AGTPBP1: variants seen among roughly 807,000 people sequenced by gnomAD.
AGTPBP1 encodes cytosolic carboxypeptidase 1.
Under a neutral mutation model 143.9 loss-of-function variants are expected in AGTPBP1, and 70 were observed. That is an observed-to-expected ratio of 0.49 (90% CI 0.40 to 0.59). The LOEUF (loss-of-function observed/expected upper bound fraction) is 0.59, where lower values mean the gene tolerates loss of function less well. Ranked by LOEUF, AGTPBP1 falls within the 20% of genes least tolerant of loss-of-function variation. The pLI is 0.00. For missense variants in AGTPBP1, 1,229 were observed against 1,464.5 expected (o/e 0.84, Z 2.62); for synonymous variants, 463 against 500.2 (o/e 0.93, Z 0.99).
At chr9:85,758,946 AC>A in the AGTPBP1 span, among the ~76,000 whole-genome samples, 3 of 152,318 alleles carry the variant, frequency 2.0e-5, no homozygotes, top group Admixed American at 6.5e-5. Flanking sequence ...CAAATGGAAA[AC>A]AAAAAAAGGC....
At chr9:85,755,948 T>C in the AGTPBP1 span, 1 of 751,432 alleles carries the variant, frequency 1.3e-6, no homozygotes, top group Non-Finnish European at 2.0e-6. Flanking sequence ...GCTACCTGAG[T>C]TACTCTAAGT....
intron 18 of AGTPBP1, among the ~76,000 whole-genome samples, chr9:85,595,288 T>A (rs1829222248): frequency 6.6e-6 from 1 of 152,216 alleles, no homozygotes; most frequent in Non-Finnish European, 1.5e-5. Flanking sequence ...TTAGTGCCAG[T>A]AAAGCACAAT....
chr9:85,598,778 G>T (rs1172372450), intron 17 of AGTPBP1, among the ~76,000 whole-genome samples: 1 of 152,164 alleles, frequency 6.6e-6, no homozygotes, highest in African/African-American at 2.4e-5. Context: ...GAAGTGCAAT[G>T]GTGCGATCTC....
intron 25 of AGTPBP1, among the ~76,000 whole-genome samples, chr9:85,572,689 T>TA (rs1391467321): frequency 3.3e-4 from 50 of 152,326 alleles, no homozygotes; most frequent in African/African-American, 1.1e-3. Context: ...AAAGCACCAG[T>TA]AACGGTCTGT....
intron 23 of AGTPBP1, among the ~76,000 whole-genome samples, chr9:85,585,154 T>A (rs1157773009): frequency 6.6e-6 from 1 of 152,220 alleles, no homozygotes; most frequent in South Asian, 2.1e-4. Flanking sequence ...TTGCAATACA[T>A]CCATATATAC....
chr9:85,588,282 C>T lies in AGTPBP1; in HGVS notation c.2903+16G>A, dbSNP rs778771846. The T allele has an allele frequency of 1.3e-6, 2 of 1,581,368 alleles. No homozygotes were observed. Among genetic ancestry groups the T allele is most frequent in the Non-Finnish European group, 1.7e-6 (2 of 1,161,736 alleles). ...CAATGGTCTTGAATATATTCTACAACTATTGCTTAACTTACTTTCCATTGA... is the reference window on the plus strand; with the variant it reads ...CAATGGTCTTGAATATATTCTACAATTATTGCTTAACTTACTTTCCATTGA... On this transcript the variant is annotated intron_variant, in intron 21 of 25. Transcript: ENST00000357081.
chr9:85,682,494 T>C (rs973657715), intron 3 of AGTPBP1, among the ~76,000 whole-genome samples: 17 of 152,306 alleles, frequency 1.1e-4, no homozygotes, highest in African/African-American at 3.1e-4. Context: ...CCAAAACTTA[T>C]AGTCTTCCAG....
At chr9:85,742,067 G>T, upstream of AGTPBP1, 1 of 1,147,306 alleles carries the variant, frequency 8.7e-7, no homozygotes, top group African/African-American at 1.6e-5. Flanking sequence ...CGAAAGGGGC[G>T]GGGCGGAGCG....
At chr9:85,799,537 G>C in the AGTPBP1 span, among the ~76,000 whole-genome samples, 1 of 152,112 alleles carries the variant, frequency 6.6e-6, no homozygotes, top group Non-Finnish European at 1.5e-5. Flanking sequence ...ATTATTTTTA[G>C]AGAGGGTCTC....
intron 17 of AGTPBP1, among the ~76,000 whole-genome samples, chr9:85,615,781 C>G (rs1025607530): frequency 3.3e-5 from 5 of 151,788 alleles, no homozygotes; most frequent in Non-Finnish European, 7.4e-5. Context: ...ATCAGAAAAA[C>G]ATGCACGTGT....
chr9:85,632,673 A>C lies in AGTPBP1; in HGVS notation c.2004T>G (p.Tyr668Ter). 1 of 1,606,870 alleles carries C rather than the reference A, an allele frequency of 6.2e-7. No individual in the cohort carries two copies. Among genetic ancestry groups the C allele is most frequent in the Non-Finnish European group, 8.5e-7 (1 of 1,176,430 alleles). ...AATATGCAACTCACCTTTGTACACC[A>C]TAAGGCCTTTCTAAAATAGGCTCTT... ...PFKEPILERP[Y>*]GVQRTKIAQD... The change falls in exon 14 of 26, where the codon TAT becomes TAG. Residue 668 changes from tyrosine to a stop codon, truncating the protein, a stop_gained. Coordinates refer to ENST00000357081, the MANE Select transcript of AGTPBP1 (RefSeq NM_001330701.2). LOFTEE classifies it high-confidence loss of function.
At chr9:85,563,386 T>G (rs540209988) in intron 25 of AGTPBP1, among the ~76,000 whole-genome samples, 7 of 152,272 alleles carry the variant, frequency 4.6e-5, no homozygotes, top group African/African-American at 1.7e-4. Flanking sequence ...TAAAGAATAC[T>G]TAATAATCCT....
chr9:85,551,982 A>G (rs372915819), intron 25 of AGTPBP1, among the ~76,000 whole-genome samples: 1 of 152,190 alleles, frequency 6.6e-6, no homozygotes, highest in Admixed American at 6.5e-5. Context: ...TTTTCTTCAG[A>G]TAAGTTTACT....
At chr9:85,642,797 G>T in intron 13 of AGTPBP1, 30 bp downstream of exon 13, 1 of 1,518,648 alleles carries the variant, frequency 6.6e-7, no homozygotes, top group Non-Finnish European at 9.0e-7. Context: ...ATTAAAATCA[G>T]TTAAGATGCT....
chr9:85,642,338 T>C (rs908990007), intron 13 of AGTPBP1, among the ~76,000 whole-genome samples: 4 of 146,880 alleles, frequency 2.7e-5, no homozygotes, highest in African/African-American at 1.0e-4. Flanking sequence ...ATCTCCCCTC[T>C]TTTTTTTTTG....
At position 85,592,723 on chromosome 9, in the gene AGTPBP1, A is replaced by C; in HGVS notation, c.2424-19T>G. 1 of 1,605,072 alleles carries C rather than the reference A, an allele frequency of 6.2e-7. No homozygotes were observed. The highest frequency in any genetic ancestry group is 2.3e-5 in the East Asian group (1 of 44,252). Reference sequence around the variant, plus strand: ...ATGATTTCTGCAATAAAAACGCATAAAACATGTTCATTTCATCCACATGAA... The same window carrying C: ...ATGATTTCTGCAATAAAAACGCATACAACATGTTCATTTCATCCACATGAA... On this transcript the variant is annotated intron_variant, in intron 18 of 25. Transcript: ENST00000357081.
At chr9:85,754,587 A>G in the AGTPBP1 span, among the ~76,000 whole-genome samples, 1 of 152,186 alleles carries the variant, frequency 6.6e-6, no homozygotes, top group Admixed American at 6.5e-5. Flanking sequence ...CACCTTTTAA[A>G]AAGAAAGTCA....
chr9:85,757,004 T>TG, the AGTPBP1 span, among the ~76,000 whole-genome samples: 65 of 148,792 alleles, frequency 4.4e-4, no homozygotes, highest in African/African-American at 1.1e-3. Flanking sequence ...TTCTTTTTTT[T>TG]GGGGGGGTGA....
chr9:85,718,236 G>A (rs1481350656), intron 1 of AGTPBP1, among the ~76,000 whole-genome samples: 1 of 152,164 alleles, frequency 6.6e-6, no homozygotes, highest in Non-Finnish European at 1.5e-5. Flanking sequence ...GATCCTTGAG[G>A]AATTGCCACA....
Sources: allele counts gnomAD v4.1 joint callset (sites outside exome capture counted in the v4.1 genomes callset), GRCh38; gene constraint gnomAD v4.1.1; transcripts MANE v1.5; gene names NCBI Gene and HGNC (gene_info 2026-07-23, HGNC 2026-07-21).